Variants in RAD17 observed in about 807,000 individuals in gnomAD.
RAD17 encodes the protein RAD17 checkpoint clamp loader component.
In RAD17, 31 loss-of-function variants were observed where a neutral mutation model predicts 81.5. The ratio of observed to expected loss-of-function variants is 0.38; its 90% CI spans 0.29 to 0.51. RAD17 has a LOEUF of 0.51. Among genes scored for constraint, RAD17 ranks in the 20% least tolerant of loss-of-function variants. RAD17 has a pLI of 0.88. For missense variants in RAD17, 681 were observed against 781.2 expected, an observed-to-expected ratio of 0.87 and a Z score of 1.53; for synonymous variants, 261 against 266.2, an observed-to-expected ratio of 0.98 and a Z score of 0.19.
chr5:69,396,389 T>C lies in RAD17; in HGVS notation c.1423-8T>C, dbSNP rs772078449. 9 of 1,604,420 alleles carry C rather than the reference T, an allele frequency of 5.6e-6. No homozygotes were observed. In the South Asian group the frequency reaches 5.6e-5, roughly 10 times the overall value. ...CTATTTTCTTTCACATCTTGTCTCA[T>C]TTGTTAGACACGCTCTTTACTCAGG... On this transcript the variant is annotated splice_region_variant and splice_polypyrimidine_tract_variant and intron_variant, in intron 15 of 18. Coordinates refer to ENST00000354868, the MANE Select transcript of RAD17 (RefSeq NM_133338.3).
intron 6 of RAD17, among the ~76,000 whole-genome samples, chr5:69,379,838 G>C: frequency 6.6e-6 from 1 of 151,624 alleles, no homozygotes; most frequent in Non-Finnish European, 1.5e-5. Flanking sequence ...GCCTTCTTCT[G>C]CAGTACCTCC....
At chr5:69,391,086 A>T (rs1047315627) in intron 12 of RAD17, among the ~76,000 whole-genome samples, 6 of 151,952 alleles carry the variant, frequency 3.9e-5, no homozygotes, top group Admixed American at 3.9e-4. Context: ...AAAATACAAA[A>T]ATTTAGCCGG....
intron 12 of RAD17, among the ~76,000 whole-genome samples, chr5:69,389,760 C>T (rs762876623): frequency 6.6e-5 from 10 of 152,166 alleles, no homozygotes; most frequent in Non-Finnish European, 1.0e-4. Flanking sequence ...CCTGCCTCAG[C>T]CTTCTGAGTA....
Position 69,374,619 on chromosome 5 carries a change from T to TTG in RAD17, c.268-7_268-6dup. On this transcript the variant is annotated splice_polypyrimidine_tract_variant and intron_variant, in intron 5 of 18. Transcript: ENST00000354868. The stretch of plus-strand genomic sequence containing the variant: ...AAGTTTTGTTTTAAATTTGAAATTT[T>TTG]TGTTGTAGCATGAACTTGCTGTGCA... The TTG allele has an allele frequency of 1.9e-6, 3 of 1,596,484 alleles. No individual in the cohort carries two copies. Among genetic ancestry groups the TTG allele is most frequent in the Non-Finnish European group, 2.6e-6 (3 of 1,174,288 alleles).
chr5:69,399,227 C>G (rs1349339311), intron 16 of RAD17, among the ~76,000 whole-genome samples: 2 of 152,158 alleles, frequency 1.3e-5, no homozygotes, highest in African/African-American at 4.8e-5. Flanking sequence ...TGCACTCCAG[C>G]CTGGGCAACA....
intron 6 of RAD17, among the ~76,000 whole-genome samples, chr5:69,378,738 T>G (rs1763666668): frequency 6.6e-6 from 1 of 152,206 alleles, no homozygotes; most frequent in Admixed American, 6.5e-5. Context: ...TGGGGATACA[T>G]TCTGGGAAAT....
At chr5:69,387,758 G>C (rs553243852) in intron 11 of RAD17, among the ~76,000 whole-genome samples, 1 of 152,266 alleles carries the variant, frequency 6.6e-6, no homozygotes, top group East Asian at 1.9e-4. Flanking sequence ...TCAGGAAGCT[G>C]AGGCAGGAGA....
intron 6 of RAD17, among the ~76,000 whole-genome samples, chr5:69,378,956 A>G (rs1311900502): frequency 5.3e-5 from 8 of 152,166 alleles, no homozygotes; most frequent in Non-Finnish European, 1.5e-5. Context: ...AAGTACAGTA[A>G]AAAGGCCGGG....
At chr5:69,408,620 T>C (rs1765782933) in intron 17 of RAD17, among the ~76,000 whole-genome samples, 1 of 150,934 alleles carries the variant, frequency 6.6e-6, no homozygotes, top group South Asian at 2.1e-4. Flanking sequence ...AAGCAATTCT[T>C]ATGCTTCAGC....
rs1764581768 is a variant in RAD17 at position 69,391,960 on chromosome 5, A to G, written c.1136A>G (p.Lys379Arg). The change falls in exon 13 of 19, where the codon AAA becomes AGA. Residue 379 changes from lysine (K) to arginine (R), a missense_variant. Physicochemically the swap from Lys to Arg is conservative, Grantham distance 26 (BLOSUM62 2). Coordinates refer to ENST00000354868, the MANE Select transcript of RAD17 (RefSeq NM_133338.3). ...ENQEVQAIGG[K>R]DVSLFLFRAL... ...CAAGAGGTCCAAGCTATTGGTGGCA[A>G]AGATGTTTCTCTGTTTCTCTTCAGA... The G allele has an allele frequency of 6.3e-7, 1 of 1,576,870 alleles. No individual in the cohort carries two copies. Among genetic ancestry groups the G allele is most frequent in the African/African-American group, 1.4e-5 (1 of 72,118 alleles).
chr5:69,414,025 T>C lies in RAD17; in HGVS notation c.1752-6T>C. ...CTTATTAATGCCTGCACTGTGAATCTGACAGATTGAAAATGGAAGCCCTGA... is the reference window on the plus strand; with the variant it reads ...CTTATTAATGCCTGCACTGTGAATCCGACAGATTGAAAATGGAAGCCCTGA... On this transcript the variant is annotated splice_region_variant and splice_polypyrimidine_tract_variant and intron_variant, in intron 18 of 18. Transcript: ENST00000354868. The C allele has an allele frequency of 6.2e-7, 1 of 1,613,898 alleles. No homozygotes were observed. The highest frequency in any genetic ancestry group is 8.5e-7 in the Non-Finnish European group (1 of 1,179,894).
At chr5:69,380,642 T>C (rs565783654) in intron 6 of RAD17, among the ~76,000 whole-genome samples, 1 of 152,318 alleles carries the variant, frequency 6.6e-6, no homozygotes, top group African/African-American at 2.4e-5. Context: ...AGGAAATCTT[T>C]TGATATTTCT....
In RAD17 at chr5:69,386,202, T is replaced by C; in HGVS notation, c.721T>C (p.Cys241Arg). ...VLRKYVRIGR[C>R]PLIFIISDSL... The stretch of plus-strand genomic sequence containing the variant: ...TAGGAAGTATGTGAGGATTGGTCGA[T>C]GTCCTCTTATATTTATAATCTCGGA... The change falls in exon 10 of 19, where the codon TGT becomes CGT. Residue 241 changes from cysteine (C) to arginine (R), a missense_variant. Coordinates refer to ENST00000354868, the MANE Select transcript of RAD17 (RefSeq NM_133338.3). 6.2e-7 allele frequency: 1 copy of C among 1,606,664 alleles called. No individual in the cohort carries two copies. Among genetic ancestry groups the C allele is most frequent in the South Asian group, 1.1e-5 (1 of 89,300 alleles).
intron 6 of RAD17, among the ~76,000 whole-genome samples, chr5:69,376,174 T>G (rs528311394): frequency 6.1e-4 from 93 of 152,346 alleles, no homozygotes; most frequent in African/African-American, 2.1e-3. Context: ...ATCTTCATTG[T>G]AGAGTAACTT....
intron 11 of RAD17, among the ~76,000 whole-genome samples, chr5:69,388,637 G>A (rs1309010396): frequency 6.6e-6 from 1 of 150,578 alleles, no homozygotes; most frequent in African/African-American, 2.4e-5. Flanking sequence ...TTTTTTTTCT[G>A]GCTCTATTGC....
At chr5:69,406,345 A>G (rs947813995) in intron 17 of RAD17, among the ~76,000 whole-genome samples, 2 of 152,170 alleles carry the variant, frequency 1.3e-5, no homozygotes, top group Non-Finnish European at 2.9e-5. Flanking sequence ...AGTTGATCTC[A>G]TAATAGTAGA....
Position 69,389,012 on chromosome 5 carries a change from A to T in RAD17, c.895-22A>T, listed in dbSNP as rs369847314. On this transcript the variant is annotated intron_variant, in intron 11 of 18. Transcript: ENST00000354868. ...TATTTTTAAGAAAATACTTTTTTTTAAATTTAATTTTCTTATTTTAGAATG... is the reference window on the plus strand; with the variant it reads ...TATTTTTAAGAAAATACTTTTTTTTTAATTTAATTTTCTTATTTTAGAATG... The T allele has an allele frequency of 3.1e-3, 3,925 of 1,268,814 alleles. 5 individuals carry two copies. The highest frequency in any genetic ancestry group is 3.6e-3 in the Non-Finnish European group (3,415 of 945,184). The allele number at this position is 1,268,814 out of a possible 1,614,324, so 78.6% of individuals were successfully genotyped here.
chr5:69,377,464 T>C (rs1342705489), intron 6 of RAD17, among the ~76,000 whole-genome samples: 5 of 5,012 alleles, frequency 1.0e-3, no homozygotes, highest in African/African-American at 1.2e-3. Context: ...TATATATATA[T>C]ATATATATAT....
At chr5:69,377,452 T>TACAC (rs1561238666) in intron 6 of RAD17, among the ~76,000 whole-genome samples, 3 of 52,110 alleles carry the variant, frequency 5.8e-5, no homozygotes, top group Non-Finnish European at 1.2e-4. Context: ...TATATATATA[T>TACAC]ATATATATAT....
Sources: allele counts gnomAD v4.1 joint callset (sites outside exome capture counted in the v4.1 genomes callset), GRCh38; gene constraint gnomAD v4.1.1; transcripts MANE v1.5; gene names NCBI Gene and HGNC (gene_info 2026-07-23, HGNC 2026-07-21).